The following SBNO1 variants were observed in gnomAD, a reference collection of about 807,000 sequenced individuals.
The protein encoded by SBNO1 is strawberry notch homolog 1.
A neutral mutation model predicts 173.6 loss-of-function variants in SBNO1; 23 were observed. The ratio of observed to expected loss-of-function variants is 0.13; its 90% CI spans 0.10 to 0.19. The LOEUF (loss-of-function observed/expected upper bound fraction) is 0.19. Ranked by LOEUF, SBNO1 falls within the 10% of genes least tolerant of loss-of-function variation. The pLI is 1.00. For missense variants in SBNO1, 1,238 were observed against 1,671.2 expected (o/e 0.74, Z 4.52); for synonymous variants, 632 against 571.5 (o/e 1.11, Z -1.51).
intron 16 of SBNO1, 35 bp from the exon 17 acceptor site, chr12:123,321,767 ATTC>A (rs1472731535): frequency 6.5e-7 from 1 of 1,547,904 alleles, no homozygotes; most frequent in Non-Finnish European, 8.9e-7. Flanking sequence ...GTCAGCCCAA[ATTC>A]AATGTTTCTT....
At chr12:123,314,316 G>A (rs1054527201) in intron 23 of SBNO1, among the ~76,000 whole-genome samples, 3 of 142,454 alleles carry the variant, frequency 2.1e-5, no homozygotes, top group Admixed American at 1.5e-4. Flanking sequence ...ATAGGTGCCC[G>A]CCACCATGCC....
chr12:123,320,629 A>G (rs1869841865), intron 18 of SBNO1, 22 bp from the exon 19 acceptor site: 1 of 1,602,256 alleles, frequency 6.2e-7, no homozygotes, highest in Non-Finnish European at 8.5e-7. Context: ...ACATTTGCTA[A>G]AAGTTAGTAC....
At chr12:123,311,585 C>A (rs1454371181) in intron 24 of SBNO1, among the ~76,000 whole-genome samples, 5 of 151,384 alleles carry the variant, frequency 3.3e-5, no homozygotes, top group African/African-American at 1.2e-4. Flanking sequence ...AAACTCCTAA[C>A]CTCCGGAGAT....
At chr12:123,305,893 T>A (rs1007111592) in intron 28 of SBNO1, among the ~76,000 whole-genome samples, 1 of 152,196 alleles carries the variant, frequency 6.6e-6, no homozygotes, top group African/African-American at 2.4e-5. Context: ...TTATAAAGAC[T>A]GAACAGCTTC....
intron 1 of SBNO1, among the ~76,000 whole-genome samples, chr12:123,361,948 G>A (rs1270794259): frequency 6.6e-6 from 1 of 150,730 alleles, no homozygotes. Context: ...AGACCAGCCT[G>A]GCCAATATGG....
chr12:123,337,306 T>G (rs993845529), intron 5 of SBNO1, among the ~76,000 whole-genome samples: 1 of 152,218 alleles, frequency 6.6e-6, no homozygotes, highest in Non-Finnish European at 1.5e-5. Flanking sequence ...AGATCCGGAA[T>G]AAGCCACTTT....
chr12:123,294,624 C>G lies in SBNO1; in HGVS notation c.*1284G>C. On this transcript the variant is annotated 3_prime_UTR_variant, in exon 32 of 32. Transcript: ENST00000602398. ...CAATCTCGATTTTTCAATAGTGCAACCTGTGGAAGCAAAAAAAAAAAAAAA... is the reference window on the plus strand; with the variant it reads ...CAATCTCGATTTTTCAATAGTGCAAGCTGTGGAAGCAAAAAAAAAAAAAAA... The G allele has an allele frequency of 1.1e-5, 1 of 92,716 alleles. No homozygotes were observed. 5.7% of individuals were successfully genotyped at this position (92,716 alleles called of 1,614,324 possible).
At chr12:123,344,347 G>C (rs1317314263) in intron 4 of SBNO1, among the ~76,000 whole-genome samples, 3 of 152,036 alleles carry the variant, frequency 2.0e-5, no homozygotes, top group East Asian at 1.9e-4. Flanking sequence ...GTCAGTTCAG[G>C]ACAATGACCT....
At chr12:123,344,582 A>T (rs1872901690) in intron 4 of SBNO1, among the ~76,000 whole-genome samples, 1 of 152,130 alleles carries the variant, frequency 6.6e-6, no homozygotes. Flanking sequence ...CATGGTACTC[A>T]CGCCTGTAAT....
rs2048518836 is a variant in SBNO1 at position 123,291,945 on chromosome 12, G to C, written c.*3963C>G. 6.6e-6 allele frequency: 1 copy of C among 151,618 alleles called. No homozygotes were observed. The highest frequency in any genetic ancestry group is 1.5e-5 in the Non-Finnish European group (1 of 67,964). The allele number at this position is 151,618 out of a possible 1,614,324, so 9.4% of individuals were successfully genotyped here. ...AAAAAAAAAATGCTAGCGAGCTTGA[G>C]TTGCAGGTATTTAGGTGTGTTTCTG... is the stretch of plus-strand genomic sequence containing the variant. On this transcript the variant is annotated 3_prime_UTR_variant, in exon 32 of 32. Transcript: ENST00000602398.
Position 123,325,559 on chromosome 12 carries a change from G to A in SBNO1, c.1916C>T (p.Thr639Ile). 6.2e-7 allele frequency: 1 copy of A among 1,613,284 alleles called. No individual in the cohort carries two copies. The change falls in exon 15 of 32, where the codon ACA (threonine) becomes ATA (isoleucine). Residue 639 changes from threonine (T) to isoleucine (I), a missense_variant. By Grantham distance (89) the Thr-to-Ile change is moderately conservative (BLOSUM62 -1). This residue lies in a region of SBNO1 where 182 missense variants were observed against 339.9 expected (regional missense o/e 0.54). Coordinates refer to ENST00000602398, the MANE Select transcript of SBNO1 (RefSeq NM_001167856.3). The stretch of plus-strand genomic sequence containing the variant: ...CCCGCCCTCTTCCAAAGCTTCTAAT[G>A]TTCTAGCTTCTCCTGTAGACTGCAG... ...IGLQSTGEAR[T>I]LEALEEGGGE... is the part of the protein sequence containing the mutation.
chr12:123,290,580 G>A lies in SBNO1; in HGVS notation c.*5328C>T, dbSNP rs10773003. The A allele has an allele frequency of 0.11, 16,780 of 152,128 alleles. 1,046 individuals carry two copies. The highest frequency in any genetic ancestry group is 0.29 in the East Asian group (1,495 of 5,156). 9.4% of individuals were successfully genotyped at this position (152,128 alleles called of 1,614,324 possible). A position where few individuals can be genotyped will look rare whatever the true frequency, so the allele number is the denominator to read the frequency against. On this transcript the variant is annotated 3_prime_UTR_variant, in exon 32 of 32. Coordinates refer to ENST00000602398, the MANE Select transcript of SBNO1 (RefSeq NM_001167856.3). ...CTGATGTAGACAAGATCCACTCACC[G>A]ATACAAGGGTGGAGAGCACAGCCGT...
At position 123,336,416 on chromosome 12, in the gene SBNO1, C is replaced by T; in HGVS notation, c.727G>A (p.Ala243Thr). 1 of 1,605,820 alleles carries T rather than the reference C, an allele frequency of 6.2e-7. No individual in the cohort carries two copies. Among genetic ancestry groups the T allele is most frequent in the Non-Finnish European group, 8.5e-7 (1 of 1,173,340 alleles). Residue 243 changes from alanine (A) to threonine (T), a missense_variant, in exon 6 of 32, where the codon GCA becomes ACA. Coordinates refer to ENST00000602398, the MANE Select transcript of SBNO1 (RefSeq NM_001167856.3). The part of the protein sequence containing the change: ...EEEMGHAETY[A>T]EYMPIKLKIG... ...ATACATTTTATTGGCATGTATTCTG[C>T]ATAGGTTTCTGCATGACCCATTTCT...
intron 1 of SBNO1, among the ~76,000 whole-genome samples, chr12:123,356,724 G>C (rs1404372638): frequency 6.6e-6 from 1 of 152,190 alleles, no homozygotes; most frequent in Admixed American, 6.5e-5. Context: ...GATTACAGGC[G>C]TGAGCCACCG....
chr12:123,341,397 G>A (rs1432071866), intron 4 of SBNO1, among the ~76,000 whole-genome samples: 3 of 152,030 alleles, frequency 2.0e-5, no homozygotes, highest in Admixed American at 6.6e-5. Flanking sequence ...GAAATGAGCC[G>A]AGATTGCACC....
chr12:123,339,252 T>C (rs1593389998), intron 5 of SBNO1, among the ~76,000 whole-genome samples: 1 of 152,120 alleles, frequency 6.6e-6, no homozygotes, highest in Admixed American at 6.6e-5. Flanking sequence ...GGTATCGTTA[T>C]GTACAGTCAT....
intron 9 of SBNO1, 73 bp from the exon 10 acceptor site, chr12:123,328,968 T>C: frequency 1.1e-6 from 1 of 887,778 alleles, no homozygotes; most frequent in South Asian, 2.2e-5. Flanking sequence ...CAACTAAACA[T>C]TCACAAGCAG....
At chr12:123,304,854 C>A in intron 28 of SBNO1, 135 bp from the exon 29 acceptor site, 2 of 628,570 alleles carry the variant, frequency 3.2e-6, no homozygotes, top group Non-Finnish European at 5.4e-6. Flanking sequence ...TCAAAAAGGA[C>A]CGAAAATGCT....
At chr12:123,327,676 T>C in intron 12 of SBNO1, 31 bp downstream of exon 12, 1 of 1,588,208 alleles carries the variant, frequency 6.3e-7, no homozygotes, top group Non-Finnish European at 8.6e-7. Flanking sequence ...AGATTGCTAC[T>C]GAGAAGAGTA....
Sources: allele counts gnomAD v4.1 joint callset (sites outside exome capture counted in the v4.1 genomes callset), GRCh38; gene constraint gnomAD v4.1.1; regional missense constraint gnomAD v4.1.1; transcripts MANE v1.5; gene names NCBI Gene and HGNC (gene_info 2026-07-23, HGNC 2026-07-21).